Variants in ADAR observed in about 807,000 individuals in gnomAD.
ADAR encodes the protein adenosine deaminase RNA specific, also known as double-stranded RNA-specific adenosine deaminase.
Under a neutral mutation model 113.2 loss-of-function variants are expected in ADAR, and 41 were observed. The ratio of observed to expected loss-of-function variants is 0.36; its 90% CI spans 0.28 to 0.47. The LOEUF (loss-of-function observed/expected upper bound fraction) is 0.47. ADAR is among the 20% of genes least tolerant of loss of function. The probability of loss-of-function intolerance (pLI) is 1.00; values close to 1 mark genes in which losing one functional copy is unlikely to be tolerated. For synonymous variants in ADAR, 605 were observed against 572.6 expected (o/e 1.06, Z -0.81); for missense variants, 1,242 against 1,540.9 (o/e 0.81, Z 3.25).
chr1:154,586,395 C>T (rs372435216), intron 11 of ADAR, 32 bp from the exon 12 acceptor site: 24 of 1,609,578 alleles, frequency 1.5e-5, no homozygotes, highest in East Asian at 2.2e-5. Context: ...GACCCACAGG[C>T]GCCAATGGAC....
At chr1:154,597,472 C>T (rs947062862) in intron 4 of ADAR, among the ~76,000 whole-genome samples, 1 of 152,182 alleles carries the variant, frequency 6.6e-6, no homozygotes, top group Non-Finnish European at 1.5e-5. Context: ...TAAGCATCAA[C>T]CTAGTTTCAC....
chr1:154,611,440 C>G (rs960375517), upstream of ADAR, among the ~76,000 whole-genome samples: 2 of 152,028 alleles, frequency 1.3e-5, no homozygotes, highest in African/African-American at 4.8e-5. Flanking sequence ...TTTTAACTCC[C>G]CCATGGTTGT....
intron 2 of ADAR, among the ~76,000 whole-genome samples, chr1:154,599,401 G>A (rs1697716489): frequency 6.6e-6 from 1 of 152,192 alleles, no homozygotes; most frequent in Non-Finnish European, 1.5e-5. Context: ...AAAATCCACT[G>A]CTTTCCTCCA....
chr1:154,601,640 T>A lies in ADAR; in HGVS notation c.1002A>T (p.Leu334=). The change falls in exon 2 of 15, where the codon CTA becomes CTT. Residue 334 remains leucine (L), a synonymous_variant. Transcript: ENST00000368474. The surrounding 1 kb of genome is among the most constrained non-coding windows in gnomAD (Gnocchi z 4.7). ...CATCCCCCTGCCTTTCCATGTCAAT[T>A]AGCACAGCATTTATATCTCGGGCCT... ...LTKARDINAV[L]IDMERQGDVY... The A allele has an allele frequency of 1.2e-6, 2 of 1,613,932 alleles. 1 individual carries two copies. Among genetic ancestry groups the A allele is most frequent in the Non-Finnish European group, 1.7e-6 (2 of 1,180,050 alleles).
chr1:154,616,516 T>C lies in ADAR; in HGVS notation c.-871+11339A>G, dbSNP rs1262872030. ...ATGATTTGCCCTTCAGATCTCAGGGTAGTCAACACTTCTGGAGGAAGAGCT... is the reference window on the plus strand; with the variant it reads ...ATGATTTGCCCTTCAGATCTCAGGGCAGTCAACACTTCTGGAGGAAGAGCT... On this transcript the variant is annotated intron_variant, in intron 1 of 14. Coordinates refer to the ADAR transcript ENST00000368471. Among the ~76,000 whole-genome samples, 4 of 152,168 alleles carry C rather than the reference T, an allele frequency of 2.6e-5. No individual in the cohort carries two copies. The East Asian group carries it at 7.7e-4, about 29-fold the overall frequency.
intron 1 of ADAR, among the ~76,000 whole-genome samples, chr1:154,618,440 A>G (rs1484830717): frequency 2.0e-5 from 3 of 152,224 alleles, no homozygotes; most frequent in East Asian, 1.9e-4. Context: ...TGATTACTCT[A>G]AAGTTCAGAT....
intron 1 of ADAR, among the ~76,000 whole-genome samples, chr1:154,625,040 A>G (rs1198561264): frequency 2.0e-5 from 3 of 152,178 alleles, no homozygotes; most frequent in Non-Finnish European, 4.4e-5. Context: ...TCTTTTTTCC[A>G]CAAGCATTTT....
chr1:154,590,320 G>A lies in ADAR; in HGVS notation c.2360C>T (p.Ala787Val), dbSNP rs367868255. The stretch of plus-strand genomic sequence containing the variant: ...CTCCCCAATCAAGACACGGAGAGCC[G>A]CATCTGCTGCTTCCTGCTTGCCTTG... The part of the protein sequence containing the change: ...KKQGKQEAAD[A>V]ALRVLIGENE... Residue 787 changes from alanine to valine, a missense_variant, in exon 7 of 15, where the codon GCG becomes GTG. Ala to Val is a moderately conservative substitution (Grantham distance 64). Transcript: ENST00000368474. 16 of 1,614,026 alleles carry A rather than the reference G, an allele frequency of 9.9e-6. No individual in the cohort carries two copies. Among genetic ancestry groups the A allele is most frequent in the Admixed American group, 5.0e-5 (3 of 60,002 alleles).
rs779065995 is a variant in ADAR, at chr1:154,602,586, C to T, written c.56G>A (p.Gly19Asp). ...GTACCTGAGCTGTCTGTGCTCATAG[C>T]CTTGAAATGGATGGGTGTAGTATCC... ...LSGYYTHPFQGYEHRQLRYQQ... is the reference protein window; with the variant it reads ...LSGYYTHPFQDYEHRQLRYQQ... Residue 19 changes from glycine (G) to aspartate (D), a missense_variant, in exon 2 of 15, where the codon GGC becomes GAC. Physicochemically the swap from Gly to Asp is moderately conservative, Grantham distance 94 (BLOSUM62 -1). Coordinates refer to ENST00000368474, the MANE Select transcript of ADAR (RefSeq NM_001111.5). 9.9e-6 allele frequency: 16 copies of T among 1,614,036 alleles called. No homozygotes were observed. In the South Asian group the frequency reaches 1.6e-4, roughly 17 times the overall value.
intron 8 of ADAR, 59 bp downstream of exon 8, chr1:154,589,698 A>C (rs1165115237): frequency 6.2e-7 from 1 of 1,605,012 alleles, no homozygotes; most frequent in African/African-American, 1.3e-5. Context: ...CCAGGGGAGG[A>C]TGAGAGGCAC....
At chr1:154,627,914 A>AGCCTCCCCCCACCCCCCCCC in exon 1 of ADAR, 1 of 463,322 alleles carries the variant, frequency 2.2e-6, no homozygotes, top group Non-Finnish European at 4.2e-6. Flanking sequence ...TGCGGCCGCG[A>AGCCTCCCCCCACCCCCCCCC]CCCTCCCCCC....
rs982103593 is a variant in ADAR at position 154,607,995 on chromosome 1, C to A, written c.12G>T (p.Arg4=). The change falls in exon 1 of 15, where the codon CGG becomes CGT. Residue 4 remains arginine, a synonymous_variant. Transcript: ENST00000368474. MNP[R]QGYSLSGYYT... ...GTCCAAGGCCGGCCCGGCTTACCTG[C>A]CGCGGATTCATTGCGCCCGCGAGGC... The A allele has an allele frequency of 3.7e-6, 6 of 1,608,018 alleles. No individual in the cohort carries two copies. The highest frequency in any genetic ancestry group is 5.1e-6 in the Non-Finnish European group (6 of 1,177,666).
At chr1:154,587,819 T>C (rs964272202) in intron 11 of ADAR, among the ~76,000 whole-genome samples, 3 of 152,184 alleles carry the variant, frequency 2.0e-5, no homozygotes, top group Non-Finnish European at 2.9e-5. Flanking sequence ...CTCATGGCCA[T>C]GAAGACCCTA....
At chr1:154,587,478 G>A (rs964314179) in intron 11 of ADAR, among the ~76,000 whole-genome samples, 2 of 152,170 alleles carry the variant, frequency 1.3e-5, no homozygotes, top group African/African-American at 4.8e-5. Context: ...GTTTCCGTGT[G>A]GACACAGATC....
Position 154,602,003 on chromosome 1 carries a change from T to C in ADAR, c.639A>G (p.Pro213=). The change falls in exon 2 of 15, where the codon CCA becomes CCG. Residue 213 remains proline, a synonymous_variant. Transcript: ENST00000368474. Reference sequence around the variant, plus strand: ...TTGGGGCTCCTTGGCTATGACCGTCTGGTCTTACCACTCCGCTGTGCTGGT... The same window carrying C: ...TTGGGGCTCCTTGGCTATGACCGTCCGGTCTTACCACTCCGCTGTGCTGGT... ...AWNQHSGVVR[P]DGHSQGAPNS... 1 of 1,614,246 alleles carries C rather than the reference T, an allele frequency of 6.2e-7. No individual in the cohort carries two copies. The highest frequency in any genetic ancestry group is 8.5e-7 in the Non-Finnish European group (1 of 1,180,040).
chr1:154,596,867 G>C lies in ADAR; in HGVS notation c.2208C>G (p.Arg736=). The change falls in exon 6 of 15, where the codon CGC becomes CGG. Residue 736 remains arginine (R), a synonymous_variant. Transcript: ENST00000368474. ...NPVGGLLEYA[R]SHGFAAEFKL... ...TGAATTCAGCAGCAAAGCCATGGGA[G>C]CGGGCGTACTCCAAAAGGCCACCCA... 2 of 1,614,156 alleles carry C rather than the reference G, an allele frequency of 1.2e-6. No homozygotes were observed. Among genetic ancestry groups the C allele is most frequent in the Non-Finnish European group, 1.7e-6 (2 of 1,180,038 alleles).
chr1:154,590,161 GCACCAAAA>G lies in ADAR; in HGVS notation c.2496+15_2496+22del. ...GGAGGACCCCCCCGCCCCAAAAAAG[GCACCAAAA>G]GTAGACGTCTTAACTGTCTTTGGCT... On this transcript the variant is annotated intron_variant, in intron 7 of 14. Transcript: ENST00000368474. The G allele has an allele frequency of 6.6e-7, 1 of 1,509,276 alleles. No homozygotes were observed. The highest frequency in any genetic ancestry group is 9.1e-7 in the Non-Finnish European group (1 of 1,096,242). The allele number at this position is 1,509,276 out of a possible 1,614,324, so 93.5% of individuals were successfully genotyped here.
chr1:154,589,449 C>T lies in ADAR; in HGVS notation c.2682G>A (p.Val894=), dbSNP rs1127309. The T allele has an allele frequency of 0.29, 464,774 of 1,611,136 alleles. 68,238 individuals carry two copies. Among genetic ancestry groups the T allele is most frequent in the African/African-American group, 0.3 (22,781 of 74,916 alleles). ...VVSLGTGNRC[V]KGDSLSLKGE... ...CTTTTAGGCTGAGAGAATCTCCTTT[C>T]ACACAGCGATTCCCTAGGAAGGTGT... is the stretch of plus-strand genomic sequence containing the variant. The change falls in exon 9 of 15, where the codon GTG becomes GTA. Residue 894 remains valine (V), a synonymous_variant. Coordinates refer to ENST00000368474, the MANE Select transcript of ADAR (RefSeq NM_001111.5).
intron 1 of ADAR, among the ~76,000 whole-genome samples, chr1:154,626,416 A>G (rs1698940470): frequency 6.6e-6 from 1 of 152,068 alleles, no homozygotes; most frequent in Non-Finnish European, 1.5e-5. Context: ...CACCCGGCCT[A>G]AAGTGAGATC....
Sources: gnomAD v4.1 joint callset for allele counts (sites outside exome capture counted in the v4.1 genomes callset) on GRCh38, gnomAD v4.1.1 for gene constraint, Gnocchi (gnomAD v3.1) non-coding constraint, MANE v1.5 for transcripts, NCBI Gene and HGNC (gene_info 2026-07-23, HGNC 2026-07-21) for gene names.